TMEM117: variants seen among roughly 807,000 people sequenced by gnomAD.
TMEM117 encodes transmembrane protein 117.
TMEM117 carries 27 observed loss-of-function variants against 52.4 expected under a neutral mutation model. The ratio of observed to expected loss-of-function variants is 0.51; its 90% CI spans 0.38 to 0.71. TMEM117 has a LOEUF of 0.71. TMEM117 is among the 30% of genes least tolerant of loss of function. TMEM117 has a pLI of 0.00. For missense variants in TMEM117, 556 were observed against 630.5 expected (o/e 0.88, Z 1.26); for synonymous variants, 215 against 206.3 (o/e 1.04, Z -0.36).
At chr12:44,226,783 A>C (rs923279299) in intron 5 of TMEM117, among the ~76,000 whole-genome samples, 1 of 152,120 alleles carries the variant, frequency 6.6e-6, no homozygotes, top group Non-Finnish European at 1.5e-5. Flanking sequence ...TAAGCCAGGG[A>C]GAGAGGCCTC....
chr12:44,306,028 A>T (rs1217985230), intron 6 of TMEM117, among the ~76,000 whole-genome samples: 1 of 152,214 alleles, frequency 6.6e-6, no homozygotes. Flanking sequence ...GAGGGACAGA[A>T]AACCAAATAC....
At chr12:44,103,548 C>T (rs1204437488) in intron 3 of TMEM117, among the ~76,000 whole-genome samples, 1 of 151,796 alleles carries the variant, frequency 6.6e-6, no homozygotes, top group Non-Finnish European at 1.5e-5. Context: ...AACTTTGCTT[C>T]CTATTTCTCC....
At chr12:44,170,631 A>G (rs1446794157) in intron 4 of TMEM117, among the ~76,000 whole-genome samples, 1 of 152,192 alleles carries the variant, frequency 6.6e-6, no homozygotes, top group Non-Finnish European at 1.5e-5. Flanking sequence ...TAGGCCAAGC[A>G]AGGTCTAAAT....
intron 4 of TMEM117, among the ~76,000 whole-genome samples, chr12:44,171,048 C>A (rs1311702434): frequency 1.4e-5 from 2 of 145,828 alleles, no homozygotes; most frequent in Non-Finnish European, 3.0e-5. Context: ...CGGAGTCTCG[C>A]TCTGTCGCCC....
At chr12:43,852,615 CAATT>C (rs1943330461) in intron 2 of TMEM117, among the ~76,000 whole-genome samples, 1 of 152,042 alleles carries the variant, frequency 6.6e-6, no homozygotes, top group Non-Finnish European at 1.5e-5. Flanking sequence ...CAAACAAAAA[CAATT>C]AATCATGAAA....
At chr12:44,012,797 A>G (rs1028255234) in intron 3 of TMEM117, among the ~76,000 whole-genome samples, 8 of 152,200 alleles carry the variant, frequency 5.3e-5, no homozygotes, top group Non-Finnish European at 1.2e-4. Flanking sequence ...CATTCCTGGC[A>G]TATGGGACTC....
chr12:44,051,294 GA>G (rs1946967287), intron 3 of TMEM117, among the ~76,000 whole-genome samples: 1 of 152,162 alleles, frequency 6.6e-6, no homozygotes. Flanking sequence ...TTTGATGTGA[GA>G]GGGAGGATAC....
chr12:44,358,054 G>C (rs1951674759), intron 6 of TMEM117, among the ~76,000 whole-genome samples: 1 of 152,114 alleles, frequency 6.6e-6, no homozygotes. Context: ...ATTATCCTAA[G>C]TGAATTAACA....
At chr12:43,977,164 C>T (rs186149304) in intron 3 of TMEM117, among the ~76,000 whole-genome samples, 5 of 152,268 alleles carry the variant, frequency 3.3e-5, no homozygotes, top group African/African-American at 1.2e-4. Context: ...TGATGTACAA[C>T]AGAGAGTATA....
intron 3 of TMEM117, among the ~76,000 whole-genome samples, chr12:44,037,313 C>A (rs1946724967): frequency 6.6e-6 from 1 of 152,166 alleles, no homozygotes; most frequent in Admixed American, 6.5e-5. Context: ...CCCTTCCCTG[C>A]AGCTTGGAAG....
At chr12:44,380,515 A>G (rs1318531310) in intron 7 of TMEM117, among the ~76,000 whole-genome samples, 5 of 152,196 alleles carry the variant, frequency 3.3e-5, no homozygotes, top group African/African-American at 9.6e-5. Context: ...CACTGAAGCA[A>G]TGGAGCAAAG....
At chr12:44,215,729 T>TA (rs767284602) in intron 5 of TMEM117, among the ~76,000 whole-genome samples, 1,608 of 147,078 alleles carry the variant, frequency 0.011, 29 homozygotes, top group African/African-American at 0.033. Context: ...TAGCTTTTTT[T>TA]AAAAAAAAAA....
At chr12:43,851,018 T>C (rs1345469023) in intron 2 of TMEM117, among the ~76,000 whole-genome samples, 2 of 152,020 alleles carry the variant, frequency 1.3e-5, no homozygotes, top group African/African-American at 4.8e-5. Context: ...AAACAGCTTC[T>C]TTTTTTTATA....
intron 5 of TMEM117, among the ~76,000 whole-genome samples, chr12:44,214,456 C>A (rs1949690354): frequency 6.6e-6 from 1 of 152,094 alleles, no homozygotes; most frequent in Non-Finnish European, 1.5e-5. Flanking sequence ...GTGTGAGCCA[C>A]CACACCCGGC....
intron 4 of TMEM117, among the ~76,000 whole-genome samples, chr12:44,150,019 A>G (rs1295283342): frequency 6.6e-6 from 1 of 152,218 alleles, no homozygotes; most frequent in African/African-American, 2.4e-5. Flanking sequence ...TAAGAGCTGA[A>G]CATTCCTCTG....
intron 3 of TMEM117, among the ~76,000 whole-genome samples, chr12:43,991,185 G>A (rs1945932276): frequency 6.6e-6 from 1 of 152,070 alleles, no homozygotes; most frequent in Non-Finnish European, 1.5e-5. Context: ...AAGCTCAGAG[G>A]TTTCTCTTTT....
At chr12:44,139,528 C>T (rs943410133) in intron 3 of TMEM117, among the ~76,000 whole-genome samples, 5 of 151,070 alleles carry the variant, frequency 3.3e-5, no homozygotes, top group African/African-American at 4.9e-5. Context: ...GTTTAAATCT[C>T]GAGGAAAAAA....
intron 2 of TMEM117, among the ~76,000 whole-genome samples, chr12:43,901,590 C>T (rs539787508): frequency 3.3e-5 from 5 of 152,190 alleles, no homozygotes; most frequent in South Asian, 2.1e-4. Context: ...GGATTACAGG[C>T]GTGAGCCATC....
intron 6 of TMEM117, among the ~76,000 whole-genome samples, chr12:44,369,773 A>G (rs1951837432): frequency 6.6e-6 from 1 of 152,182 alleles, no homozygotes; most frequent in South Asian, 2.1e-4. Context: ...GCCTACTTGA[A>G]CCAGAAAGTC....
Sources: allele counts gnomAD v4.1 joint callset (sites outside exome capture counted in the v4.1 genomes callset), GRCh38; gene constraint gnomAD v4.1.1; transcripts MANE v1.5; gene names NCBI Gene and HGNC (gene_info 2026-07-23, HGNC 2026-07-21).